The following CENPO variants were observed in gnomAD, a reference collection of about 807,000 sequenced individuals.
The protein encoded by CENPO is centromeric protein O.
A neutral mutation model predicts 36.1 loss-of-function variants in CENPO; 30 were observed. The observed-to-expected ratio is 0.83, with a 90% CI of 0.62 to 1.13. CENPO has a LOEUF of 1.13. Among genes scored for constraint, CENPO ranks in the 50% most tolerant of loss-of-function variants. The pLI is 0.00. For synonymous variants in CENPO, 171 were observed against 142.3 expected (o/e 1.20, Z -1.44); for missense variants, 349 against 357.8 (o/e 0.98, Z 0.20).
Position 24,820,913 on chromosome 2 carries a change from ATC to A in CENPO, c.*1598_*1599del. 1 of 1,592,500 alleles carries A rather than the reference ATC, an allele frequency of 6.3e-7. No individual in the cohort carries two copies. Among genetic ancestry groups the A allele is most frequent in the Non-Finnish European group, 8.6e-7 (1 of 1,168,106 alleles). ...CACCTTGTTATGGGCCTCAGAAGCCATCTCCTCTCCAGACCTGTACCACAAAG... is the reference window on the plus strand; with the variant it reads ...CACCTTGTTATGGGCCTCAGAAGCCATCCTCTCCAGACCTGTACCACAAAG... On this transcript the variant is annotated 3_prime_UTR_variant, in exon 8 of 8. Transcript: ENST00000380834.
Position 24,820,622 on chromosome 2 carries a change from G to C in CENPO, c.*1304G>C, listed in dbSNP as rs1667487228. 2.6e-6 allele frequency: 4 copies of C among 1,557,070 alleles called. No homozygotes were observed. Among genetic ancestry groups the C allele is most frequent in the South Asian group, 1.2e-5 (1 of 82,150 alleles). On this transcript the variant is annotated 3_prime_UTR_variant, in exon 8 of 8. Coordinates refer to ENST00000380834, the MANE Select transcript of CENPO (RefSeq NM_001322101.2). ...CCACGTCTCTGCCTCTGGACTTACT[G>C]TTCAGGGCCAGGGTGGGAGGCAGGG... is the stretch of plus-strand genomic sequence containing the variant.
intron 3 of CENPO, 50 bp downstream of exon 3, chr2:24,799,894 C>G: frequency 1.9e-6 from 3 of 1,584,162 alleles, no homozygotes; most frequent in Non-Finnish European, 2.6e-6. Context: ...AATGAACAAA[C>G]GTGATTTGGG....
At chr2:24,794,059 G>A (rs1665768320) in intron 2 of CENPO, 94 bp downstream of exon 2, 2 of 947,000 alleles carry the variant, frequency 2.1e-6, no homozygotes, top group East Asian at 2.4e-5. Flanking sequence ...CGTGGGACCT[G>A]GCCTGTTTGG....
At chr2:24,804,263 A>G (rs978519122) in intron 3 of CENPO, among the ~76,000 whole-genome samples, 1 of 152,062 alleles carries the variant, frequency 6.6e-6, no homozygotes, top group Non-Finnish European at 1.5e-5. Context: ...CAGCACACTG[A>G]TGGGTCTTGA....
rs558530887 is a variant in CENPO at position 24,799,560 on chromosome 2, C to T, written c.47-115C>T. On this transcript the variant is annotated intron_variant, in intron 2 of 7. Coordinates refer to ENST00000380834, the MANE Select transcript of CENPO (RefSeq NM_001322101.2). ...ACAGATATCTAACAATTCAGCTGGCCACAAAGTTCTGGTAAAAAAAAAAAA... is the reference window on the plus strand; with the variant it reads ...ACAGATATCTAACAATTCAGCTGGCTACAAAGTTCTGGTAAAAAAAAAAAA... The T allele has an allele frequency of 4.1e-5, 32 of 778,628 alleles. No homozygotes were observed. In the African/African-American group the frequency reaches 5.6e-4, roughly 14 times the overall value. 48.2% of individuals were successfully genotyped at this position (778,628 alleles called of 1,614,324 possible). A position where few individuals can be genotyped will look rare whatever the true frequency, so the allele number is the denominator to read the frequency against.
intron 3 of CENPO, among the ~76,000 whole-genome samples, chr2:24,813,405 C>T (rs552072334): frequency 1.3e-5 from 2 of 152,080 alleles, no homozygotes; most frequent in African/African-American, 4.8e-5. Flanking sequence ...TAGGGCTTAG[C>T]TTTTTTTAGG....
In CENPO at chr2:24,820,887, A is replaced by G. The variant is rs1280975303; in HGVS notation, c.*1569A>G. On this transcript the variant is annotated 3_prime_UTR_variant, in exon 8 of 8. Coordinates refer to ENST00000380834, the MANE Select transcript of CENPO (RefSeq NM_001322101.2). ...ATAAAGTTCAGCACAGCCACAGGCC[A>G]CACCTTGTTATGGGCCTCAGAAGCC... 1 of 1,607,846 alleles carries G rather than the reference A, an allele frequency of 6.2e-7. No individual in the cohort carries two copies. Among genetic ancestry groups the G allele is most frequent in the East Asian group, 2.2e-5 (1 of 44,822 alleles).
chr2:24,803,805 G>T (rs945808483), intron 3 of CENPO, among the ~76,000 whole-genome samples: 2 of 152,160 alleles, frequency 1.3e-5, no homozygotes. Context: ...TGTATATTCT[G>T]TTGATTTGGG....
At chr2:24,814,780 GA>G in intron 4 of CENPO, 1 of 329,540 alleles carries the variant, frequency 3.0e-6, no homozygotes, top group Non-Finnish European at 5.6e-6. Context: ...CCTTGTACTA[GA>G]ACTGTCTTTA....
In CENPO at chr2:24,821,891, C is replaced by T. The variant is rs1572772053; in HGVS notation, c.*2573C>T. On this transcript the variant is annotated 3_prime_UTR_variant, in exon 8 of 8. Coordinates refer to ENST00000380834, the MANE Select transcript of CENPO (RefSeq NM_001322101.2). ...CGGACCTGTGAGTCTGACCACGAGG[C>T]GGACCCCTTCACCTTGGCTGGGCCT... 4.4e-6 allele frequency: 2 copies of T among 450,832 alleles called. No individual in the cohort carries two copies. The highest frequency in any genetic ancestry group is 4.2e-5 in the East Asian group (1 of 24,064). The allele number at this position is 450,832 out of a possible 1,614,324, so 27.9% of individuals were successfully genotyped here. A position where few individuals can be genotyped will look rare whatever the true frequency, so the allele number is the denominator to read the frequency against.
intron 3 of CENPO, among the ~76,000 whole-genome samples, chr2:24,801,945 C>G (rs1666181873): frequency 6.6e-6 from 1 of 152,194 alleles, no homozygotes; most frequent in Non-Finnish European, 1.5e-5. Context: ...AATATTGATT[C>G]TTCCTATCCA....
intron 3 of CENPO, among the ~76,000 whole-genome samples, chr2:24,800,447 G>A (rs1034667818): frequency 2.0e-5 from 3 of 151,796 alleles, no homozygotes; most frequent in East Asian, 3.9e-4. Flanking sequence ...TTTAACATTA[G>A]GTGTATCTCC....
chr2:24,811,752 C>T (rs985327807), intron 3 of CENPO, among the ~76,000 whole-genome samples: 8 of 152,104 alleles, frequency 5.3e-5, no homozygotes, highest in East Asian at 1.9e-4. Flanking sequence ...TGAGCCACTG[C>T]GCCCGGCCAA....
chr2:24,811,594 T>G (rs1666694384), intron 3 of CENPO, among the ~76,000 whole-genome samples: 1 of 152,146 alleles, frequency 6.6e-6, no homozygotes, highest in Admixed American at 6.5e-5. Flanking sequence ...CCCGAGTAGC[T>G]GGGACTACAG....
chr2:24,820,313 T>A lies in CENPO; in HGVS notation c.*995T>A, dbSNP rs1484556375. 1.5e-6 allele frequency: 2 copies of A among 1,304,690 alleles called. No individual in the cohort carries two copies. The highest frequency in any genetic ancestry group is 2.0e-6 in the Non-Finnish European group (2 of 1,020,672). The allele number at this position is 1,304,690 out of a possible 1,614,324, so 80.8% of individuals were successfully genotyped here. A position where few individuals can be genotyped will look rare whatever the true frequency, so the allele number is the denominator to read the frequency against. On this transcript the variant is annotated 3_prime_UTR_variant, in exon 8 of 8. Transcript: ENST00000380834. ...GAAGGAGAACCCTGGAGTGACTGGC[T>A]GGGGGCCTCCTCTCATCCAGAGACT...
rs1383028496 is a variant in CENPO, at chr2:24,793,628, G to T, written c.-69+127G>T. ...GGAAGCCCGCTGGACCAGAGTAGCCGTGGCCTCGGGAGCGCGCCGGGGCCG... is the reference window on the plus strand; with the variant it reads ...GGAAGCCCGCTGGACCAGAGTAGCCTTGGCCTCGGGAGCGCGCCGGGGCCG... On this transcript the variant is annotated intron_variant, in intron 1 of 7. Transcript: ENST00000380834. 2.9e-6 allele frequency: 4 copies of T among 1,401,920 alleles called. No individual in the cohort carries two copies. In the African/African-American group the frequency reaches 5.8e-5, roughly 20 times the overall value. The allele number at this position is 1,401,920 out of a possible 1,614,324, so 86.8% of individuals were successfully genotyped here. A position where few individuals can be genotyped will look rare whatever the true frequency, so the allele number is the denominator to read the frequency against.
chr2:24,820,837 C>CT lies in CENPO; in HGVS notation c.*1522dup. 1 of 1,614,052 alleles carries CT rather than the reference C, an allele frequency of 6.2e-7. No individual in the cohort carries two copies. The highest frequency in any genetic ancestry group is 2.2e-5 in the East Asian group (1 of 44,878). On this transcript the variant is annotated 3_prime_UTR_variant, in exon 8 of 8. Transcript: ENST00000380834. ...CCGATGACCCCAGCCAGAACCCCGCCTTTGTTCATGCCTAGGGTAGAGGCA... is the reference window on the plus strand; with the variant it reads ...CCGATGACCCCAGCCAGAACCCCGCCTTTTGTTCATGCCTAGGGTAGAGGCA...
intron 1 of CENPO, 118 bp downstream of exon 1, chr2:24,793,619 A>G (rs969125673): frequency 6.3e-6 from 9 of 1,428,134 alleles, no homozygotes; most frequent in Non-Finnish European, 8.4e-6. Flanking sequence ...CCGCTGGACC[A>G]GAGTAGCCGT....
chr2:24,814,890 T>G (rs893351791), intron 4 of CENPO: 1 of 181,558 alleles, frequency 5.5e-6, no homozygotes. Flanking sequence ...TGCCACAAGA[T>G]AGTTGTGGGA....
Sources: allele counts gnomAD v4.1 joint callset (sites outside exome capture counted in the v4.1 genomes callset), GRCh38; gene constraint gnomAD v4.1.1; transcripts MANE v1.5; gene names NCBI Gene and HGNC (gene_info 2026-07-23, HGNC 2026-07-21).